The following BBX variants were observed in gnomAD, a reference collection of about 807,000 sequenced individuals.
BBX encodes HMG box transcription factor BBX.
In BBX, 30 loss-of-function variants were observed where a neutral mutation model predicts 100.2. The ratio of observed to expected loss-of-function variants is 0.30; its 90% CI spans 0.22 to 0.41. BBX has a LOEUF of 0.41. BBX is among the 10% of genes least tolerant of loss of function. BBX has a pLI of 1.00. For synonymous variants in BBX, 376 were observed against 388.1 expected (o/e 0.97, Z 0.37); for missense variants, 1,023 against 1,129.8 (o/e 0.91, Z 1.35).
intron 2 of BBX, among the ~76,000 whole-genome samples, chr3:107,630,266 T>TA (rs1389798630): frequency 2.0e-5 from 3 of 152,200 alleles, no homozygotes; most frequent in Non-Finnish European, 4.4e-5. Context: ...TTTTGTAGTC[T>TA]AGCTTGAGAG....
intron 4 of BBX, among the ~76,000 whole-genome samples, chr3:107,716,094 A>G (rs1013040297): frequency 3.3e-5 from 5 of 152,214 alleles, no homozygotes; most frequent in African/African-American, 1.2e-4. Context: ...TTCATGTTAA[A>G]TAGTCTCATA....
chr3:107,719,789 C>T (rs868415622), intron 5 of BBX, among the ~76,000 whole-genome samples: 1 of 152,046 alleles, frequency 6.6e-6, no homozygotes, highest in Admixed American at 6.6e-5. Context: ...ACAATTATAT[C>T]TTTCCTTTTA....
intron 2 of BBX, among the ~76,000 whole-genome samples, chr3:107,569,736 C>G (rs2051202569): frequency 6.6e-6 from 1 of 152,130 alleles, no homozygotes; most frequent in South Asian, 2.1e-4. Flanking sequence ...ATGCCTACAA[C>G]AGTTATGGAG....
chr3:107,671,599 GAAGA>G (rs1259859966), intron 3 of BBX, among the ~76,000 whole-genome samples: 2 of 152,008 alleles, frequency 1.3e-5, no homozygotes, highest in African/African-American at 4.8e-5. Context: ...AAGTCAATTC[GAAGA>G]ATGACATGGA....
chr3:107,532,166 C>T (rs778008168), intron 2 of BBX, among the ~76,000 whole-genome samples: 5 of 151,914 alleles, frequency 3.3e-5, no homozygotes, highest in Non-Finnish European at 7.4e-5. Flanking sequence ...CGCACTCCAG[C>T]CTGGGTGAAA....
intron 14 of BBX, among the ~76,000 whole-genome samples, chr3:107,790,131 C>T (rs1157724900): frequency 5.3e-5 from 8 of 152,138 alleles, no homozygotes; most frequent in Admixed American, 1.3e-4. Flanking sequence ...ATTGCCTCTT[C>T]TCATCTGTAT....
chr3:107,778,885 G>GC (rs2067556771), intron 13 of BBX, among the ~76,000 whole-genome samples: 1 of 151,014 alleles, frequency 6.6e-6, no homozygotes, highest in Non-Finnish European at 1.5e-5. Flanking sequence ...GCAACAGGTT[G>GC]AACTCGGGGA....
At chr3:107,551,349 A>G (rs564678812) in intron 2 of BBX, among the ~76,000 whole-genome samples, 1 of 152,238 alleles carries the variant, frequency 6.6e-6, no homozygotes, top group African/African-American at 2.4e-5. Flanking sequence ...CTTTATGATC[A>G]TCAGTGTTAT....
At chr3:107,765,378 G>A (rs962139276) in intron 10 of BBX, among the ~76,000 whole-genome samples, 4 of 152,152 alleles carry the variant, frequency 2.6e-5, no homozygotes, top group East Asian at 1.9e-4. Context: ...AGCAGAGCCT[G>A]TCTATAGTCC....
intron 3 of BBX, chr3:107,674,965 A>G (rs2059207536): frequency 6.6e-6 from 1 of 152,228 alleles, no homozygotes; most frequent in Admixed American, 6.5e-5. Context: ...AGGTTAGATG[A>G]TTTAGCTAAG....
chr3:107,555,443 G>A (rs2050026669), intron 2 of BBX, among the ~76,000 whole-genome samples: 1 of 152,314 alleles, frequency 6.6e-6, no homozygotes, highest in Non-Finnish European at 1.5e-5. Context: ...AGCTTGGAGA[G>A]TGCTTGTTAA....
chr3:107,710,381 A>G, intron 3 of BBX, 71 bp from the exon 4 acceptor site: 2 of 1,258,736 alleles, frequency 1.6e-6, no homozygotes, highest in Non-Finnish European at 2.2e-6. Context: ...AATCAAATTT[A>G]CTTTGATTTA....
chr3:107,772,955 TCTGCCA>T lies in BBX; in HGVS notation c.1235_1240del (p.Ser412_Ser414delinsCys). On this transcript the variant is annotated inframe_deletion, in exon 11 of 18. Coordinates refer to ENST00000325805, the MANE Select transcript of BBX (RefSeq NM_001142568.3). Reference sequence around the variant, plus strand: ...TAGTCATTTTCCTGATTTTTCTTATTCTGCCAGTAGCAAGATAATAATTAGTGATGT... The same window carrying T: ...TAGTCATTTTCCTGATTTTTCTTATTGTAGCAAGATAATAATTAGTGATGT... 2 of 1,612,880 alleles carry T rather than the reference TCTGCCA, an allele frequency of 1.2e-6. No individual in the cohort carries two copies. Among genetic ancestry groups the T allele is most frequent in the Non-Finnish European group, 1.7e-6 (2 of 1,179,742 alleles).
chr3:107,786,124 A>C (rs995946863), intron 13 of BBX, among the ~76,000 whole-genome samples: 3 of 152,130 alleles, frequency 2.0e-5, no homozygotes, highest in African/African-American at 7.2e-5. Flanking sequence ...GTTTAACAAA[A>C]GAAGTACAGT....
rs963819404 is a variant in BBX, at chr3:107,608,549, T to A, written c.-83-37287T>A. 3.9e-5 allele frequency among the ~76,000 whole-genome samples: 6 copies of A among 152,124 alleles called. No homozygotes were observed. In the East Asian group the frequency reaches 5.8e-4, roughly 15 times the overall value. ...TTAGGATGAGTTTGGCTAGTCTGGG[T>A]CTTTTGTGGTTGTGTATAAATTTTA... On this transcript the variant is annotated intron_variant, in intron 2 of 17. Coordinates refer to ENST00000325805, the MANE Select transcript of BBX (RefSeq NM_001142568.3).
intron 4 of BBX, 135 bp downstream of exon 4, chr3:107,710,757 GTTTACATTTTTA>G: frequency 1.3e-6 from 1 of 798,602 alleles, no homozygotes; most frequent in Non-Finnish European, 1.9e-6. Flanking sequence ...CAATTACTTA[GTTTACATTTTTA>G]TTCCAATTCT....
chr3:107,744,230 A>C (rs2064377670), intron 7 of BBX, among the ~76,000 whole-genome samples: 1 of 152,116 alleles, frequency 6.6e-6, no homozygotes, highest in Non-Finnish European at 1.5e-5. Context: ...AGGATGTACA[A>C]TAAATAAATA....
chr3:107,743,777 T>TA (rs1220558660), intron 7 of BBX, among the ~76,000 whole-genome samples: 4 of 152,114 alleles, frequency 2.6e-5, no homozygotes, highest in Non-Finnish European at 4.4e-5. Flanking sequence ...AAAGTTTTTT[T>TA]AAAAAAGAAC....
intron 2 of BBX, among the ~76,000 whole-genome samples, chr3:107,610,509 T>C (rs2054767331): frequency 6.6e-6 from 1 of 152,122 alleles, no homozygotes; most frequent in Non-Finnish European, 1.5e-5. Flanking sequence ...ATTTTATTTA[T>C]GTATCTGGGT....
Sources: gnomAD v4.1 joint callset for allele counts (sites outside exome capture counted in the v4.1 genomes callset) on GRCh38, gnomAD v4.1.1 for gene constraint, MANE v1.5 for transcripts, NCBI Gene and HGNC (gene_info 2026-07-23, HGNC 2026-07-21) for gene names.